Variants in RBFOX1 observed in about 807,000 individuals in gnomAD.
RBFOX1 encodes RNA binding protein fox-1 homolog 1.
Under a neutral mutation model 57.7 loss-of-function variants are expected in RBFOX1, and 8 were observed. The ratio of observed to expected loss-of-function variants is 0.14; its 90% CI spans 0.08 to 0.25. RBFOX1 has a LOEUF of 0.25. Among genes scored for constraint, RBFOX1 ranks in the 10% least tolerant of loss-of-function variants. The probability of loss-of-function intolerance (pLI) is 1.00; values close to 1 mark genes in which losing one functional copy is unlikely to be tolerated. For synonymous variants in RBFOX1, 326 were observed against 222.4 expected (o/e 1.47, Z -4.15); for missense variants, 611 against 548.5 (o/e 1.11, Z -1.14).
At chr16:7,550,384 C>T (rs1014791702) in intron 5 of RBFOX1, among the ~76,000 whole-genome samples, 11 of 152,010 alleles carry the variant, frequency 7.2e-5, no homozygotes, top group South Asian at 2.1e-4. Flanking sequence ...GCAGCTGTGA[C>T]GATGCCCAGA....
In RBFOX1 at chr16:6,421,673, T is replaced by C. The variant is rs778493334; in HGVS notation, c.-64+104616T>C. ...GGCACAGAAGAAAACATGGGTGCTT[T>C]AGATCACACACACAAAAAATGATCG... On this transcript the variant is annotated intron_variant, in intron 2 of 15. Transcript: ENST00000550418. Among the ~76,000 whole-genome samples, 14 of 152,194 alleles carry C rather than the reference T, an allele frequency of 9.2e-5. No homozygotes were observed. In the South Asian group the frequency reaches 1.2e-3, roughly 13 times the overall value.
Position 7,166,815 on chromosome 16 carries a change from C to A in RBFOX1, c.27+114717C>A, listed in dbSNP as rs1051906352. On this transcript the variant is annotated intron_variant, in intron 4 of 15. Coordinates refer to ENST00000550418, the MANE Select transcript of RBFOX1 (RefSeq NM_018723.4). ...CAAAGGAGTGCTGCTCCAACCCATG[C>A]GGCATCTCTCCCAGGTTGTGAAACA... Among the ~76,000 whole-genome samples the A allele has an allele frequency of 3.3e-5, 5 of 152,068 alleles. No homozygotes were observed. The South Asian group carries it at 6.2e-4, about 19-fold the overall frequency.
rs886514300 is a variant in RBFOX1, at chr16:5,911,041, A to T, written c.351+43706A>T. ...CTCTCTTATCTGTAATCATACCCCA[A>T]ATAAACTACTTGTGCTTGGATCTTT... On this transcript the variant is annotated intron_variant, in intron 4 of 19. Transcript: ENST00000641259. 4.6e-5 allele frequency among the ~76,000 whole-genome samples: 7 copies of T among 152,106 alleles called. No individual in the cohort carries two copies. The East Asian group carries it at 7.7e-4, about 17-fold the overall frequency.
At chr16:7,374,462 A>G (rs2097646764) in intron 4 of RBFOX1, among the ~76,000 whole-genome samples, 1 of 152,086 alleles carries the variant, frequency 6.6e-6, no homozygotes, top group Admixed American at 6.6e-5. Flanking sequence ...GAGTTCCAAG[A>G]TATGGTGTAA....
At chr16:5,489,559 G>A (rs1012831668) in intron 2 of RBFOX1, among the ~76,000 whole-genome samples, 5 of 152,166 alleles carry the variant, frequency 3.3e-5, no homozygotes, top group African/African-American at 1.2e-4. Flanking sequence ...GTAAAATGGG[G>A]ACAATGGTGT....
chr16:5,496,620 A>G (rs1167097789), intron 2 of RBFOX1, among the ~76,000 whole-genome samples: 2 of 152,108 alleles, frequency 1.3e-5, no homozygotes, highest in Non-Finnish European at 2.9e-5. Context: ...ACAGGGCTGG[A>G]TCATAGCAAG....
intron 2 of RBFOX1, among the ~76,000 whole-genome samples, chr16:6,643,946 G>C (rs1488369049): frequency 6.6e-6 from 1 of 151,888 alleles, no homozygotes. Flanking sequence ...GCCAACATGG[G>C]GAAACCCCAT....
chr16:5,747,764 C>T (rs79389722), intron 3 of RBFOX1, among the ~76,000 whole-genome samples: 2 of 152,096 alleles, frequency 1.3e-5, no homozygotes, highest in Non-Finnish European at 2.9e-5. Context: ...ATTCTTCCCT[C>T]TTTACTTCTT....
intron 1 of RBFOX1, among the ~76,000 whole-genome samples, chr16:5,424,418 T>G (rs767551236): frequency 1.3e-5 from 2 of 151,998 alleles, no homozygotes; most frequent in Non-Finnish European, 2.9e-5. Context: ...CTGAACTCTG[T>G]CCCCACCGTT....
At chr16:6,038,792 C>G (rs1471616727) in intron 1 of RBFOX1, 1 of 146,442 alleles carries the variant, frequency 6.8e-6, no homozygotes, top group Non-Finnish European at 1.5e-5. Flanking sequence ...AATTATTTAC[C>G]ACTTGGGTTG....
At chr16:5,829,919 G>C (rs112449659) in intron 3 of RBFOX1, among the ~76,000 whole-genome samples, 51 of 152,262 alleles carry the variant, frequency 3.3e-4, no homozygotes, top group African/African-American at 1.2e-3. Flanking sequence ...TGACTTACTG[G>C]CATAGACGGT....
chr16:7,605,407 A>T (rs1184983596), intron 9 of RBFOX1, among the ~76,000 whole-genome samples: 1 of 152,200 alleles, frequency 6.6e-6, no homozygotes. Context: ...GGGCCCAGGA[A>T]TTAAATATGC....
intron 1 of RBFOX1, among the ~76,000 whole-genome samples, chr16:5,462,577 A>C (rs1386139339): frequency 2.6e-5 from 4 of 152,196 alleles, no homozygotes; most frequent in Non-Finnish European, 4.4e-5. Context: ...TACTTTGTAC[A>C]TTGTGATAGT....
At chr16:6,947,058 G>A (rs532412621) in intron 3 of RBFOX1, among the ~76,000 whole-genome samples, 1 of 152,260 alleles carries the variant, frequency 6.6e-6, no homozygotes, top group Non-Finnish European at 1.5e-5. Context: ...ATCTGTAATT[G>A]AGAGAAGGTC....
At chr16:6,498,190 T>C (rs2095824483) in intron 2 of RBFOX1, among the ~76,000 whole-genome samples, 1 of 149,876 alleles carries the variant, frequency 6.7e-6, no homozygotes. Flanking sequence ...AGGTGGAGGT[T>C]GCAGTGAGCC....
intron 3 of RBFOX1, among the ~76,000 whole-genome samples, chr16:6,940,538 A>G (rs1261040685): frequency 6.6e-6 from 1 of 152,150 alleles, no homozygotes; most frequent in Non-Finnish European, 1.5e-5. Flanking sequence ...AAATTCCTCT[A>G]AATCTAATTC....
intron 3 of RBFOX1, among the ~76,000 whole-genome samples, chr16:6,763,593 A>G (rs1056905052): frequency 6.6e-6 from 1 of 152,208 alleles, no homozygotes; most frequent in Non-Finnish European, 1.5e-5. Context: ...ACCATTAATC[A>G]TCAACAACCA....
intron 4 of RBFOX1, among the ~76,000 whole-genome samples, chr16:7,344,887 C>T (rs947265752): frequency 6.6e-6 from 1 of 152,172 alleles, no homozygotes; most frequent in Non-Finnish European, 1.5e-5. Context: ...ACAACCGACT[C>T]TGAGCAGAAG....
rs1160993788 is a variant in RBFOX1 at position 5,946,532 on chromosome 16, C to T, written c.351+79197C>T. Among the ~76,000 whole-genome samples, 3 of 149,980 alleles carry T rather than the reference C, an allele frequency of 2.0e-5. No homozygotes were observed. The highest frequency in any genetic ancestry group is 4.5e-5 in the Non-Finnish European group (3 of 67,232). On this transcript the variant is annotated intron_variant, in intron 4 of 19. Transcript: ENST00000641259. The surrounding 1 kb of genome is among the most constrained non-coding windows in gnomAD (Gnocchi z 4.6). ...AGGACATGGAAGTTCTACGCCCTTCCCCGTATCTCACTCTATGCATATTTT... is the reference window on the plus strand; with the variant it reads ...AGGACATGGAAGTTCTACGCCCTTCTCCGTATCTCACTCTATGCATATTTT...
Sources: gnomAD v4.1 joint callset for allele counts (sites outside exome capture counted in the v4.1 genomes callset) on GRCh38, gnomAD v4.1.1 for gene constraint, Gnocchi (gnomAD v3.1) non-coding constraint, MANE v1.5 for transcripts, NCBI Gene and HGNC (gene_info 2026-07-23, HGNC 2026-07-21) for gene names.